Variants in CRYM observed in about 807,000 individuals in gnomAD.
CRYM encodes the protein crystallin mu.
In CRYM, 18 loss-of-function variants were observed where a neutral mutation model predicts 32.9. That is an observed-to-expected ratio of 0.55 (90% confidence interval 0.38 to 0.81). The LOEUF (loss-of-function observed/expected upper bound fraction) is 0.81. Among genes scored for constraint, CRYM ranks in the 30% least tolerant of loss-of-function variants. The pLI is 0.00. For missense variants in CRYM, 337 were observed against 393.5 expected (o/e 0.86, Z 1.21); for synonymous variants, 153 against 152.4 (o/e 1.00, Z -0.03).
intron 1 of CRYM, among the ~76,000 whole-genome samples, chr16:21,292,719 T>C (rs1567241271): frequency 6.7e-6 from 1 of 149,480 alleles, no homozygotes; most frequent in African/African-American, 2.5e-5. Context: ...AGTAGAGACA[T>C]AGATGACAGA....
In CRYM at chr16:21,277,224, G is replaced by A. The variant is rs548601974; in HGVS notation, c.324+207C>T. Among the ~76,000 whole-genome samples the A allele has an allele frequency of 6.6e-6, 1 of 152,190 alleles. No individual in the cohort carries two copies. Among genetic ancestry groups the A allele is most frequent in the East Asian group, 1.9e-4 (1 of 5,200 alleles). On this transcript the variant is annotated intron_variant, in intron 2 of 7. Transcript: ENST00000572914. The surrounding 1 kb of genome is among the most constrained non-coding windows in gnomAD (Gnocchi z 4.2). The stretch of plus-strand genomic sequence containing the variant: ...ACTGTCACATGCTTGAGGCAGCAGT[G>A]GGCGCTGGTGCCGTGTTATGCATCC...
chr16:21,279,758 T>A (rs2093394919), upstream of CRYM, among the ~76,000 whole-genome samples: 1 of 152,216 alleles, frequency 6.6e-6, no homozygotes, highest in Admixed American at 6.5e-5. Context: ...TAGGGCATTT[T>A]GTAGGAAATG....
chr16:21,284,387 A>G lies in CRYM; in HGVS notation c.-192-5427T>C, dbSNP rs116532843. 8.9e-3 allele frequency among the ~76,000 whole-genome samples: 1,351 copies of G among 152,216 alleles called. 26 individuals carry two copies. Among genetic ancestry groups the G allele is most frequent in the African/African-American group, 0.031 (1,287 of 41,518 alleles). The stretch of plus-strand genomic sequence containing the variant: ...AGTGCACAGTTCCCTGACTTTTAGT[A>G]TATTCACGATGTTGTGCGACCAACA... On this transcript the variant is annotated intron_variant, in intron 1 of 9. Transcript: ENST00000219599.
chr16:21,302,043 C>T (rs1295872400), intron 1 of CRYM, among the ~76,000 whole-genome samples: 1 of 152,242 alleles, frequency 6.6e-6, no homozygotes, highest in Non-Finnish European at 1.5e-5. Flanking sequence ...CATATAAATC[C>T]TCCAGAGACT....
chr16:21,263,063 A>G (rs1488476364), intron 5 of CRYM, among the ~76,000 whole-genome samples: 1 of 151,824 alleles, frequency 6.6e-6, no homozygotes, highest in African/African-American at 2.4e-5. Flanking sequence ...TTTTGGAGAG[A>G]GGGTCTCACT....
chr16:21,260,085 C>A (rs1446376505), intron 7 of CRYM, among the ~76,000 whole-genome samples: 6 of 152,178 alleles, frequency 3.9e-5, no homozygotes, highest in Admixed American at 6.5e-5. Flanking sequence ...ATTTACCAAC[C>A]TGCAAGGCAT....
chr16:21,287,208 TA>T (rs2093408916), intron 1 of CRYM, among the ~76,000 whole-genome samples: 1 of 152,174 alleles, frequency 6.6e-6, no homozygotes, highest in Non-Finnish European at 1.5e-5. Context: ...CACTGTAAAA[TA>T]ATAGTCATTC....
At chr16:21,262,504 T>C (rs892154312) in intron 5 of CRYM, among the ~76,000 whole-genome samples, 1 of 151,944 alleles carries the variant, frequency 6.6e-6, no homozygotes, top group African/African-American at 2.4e-5. Context: ...CTGTAGTCTT[T>C]GCTACTCTGG....
upstream of CRYM, chr16:21,278,347 G>A (rs769004013): frequency 1.9e-4 from 283 of 1,462,778 alleles, no homozygotes; most frequent in Non-Finnish European, 2.6e-4. Context: ...CTGTGGAGCC[G>A]CCTGCTGGTC....
intron 5 of CRYM, among the ~76,000 whole-genome samples, chr16:21,263,461 C>A (rs932442776): frequency 6.6e-6 from 1 of 152,026 alleles, no homozygotes; most frequent in Non-Finnish European, 1.5e-5. Flanking sequence ...GTGATCCTCC[C>A]GCCTCAGCCT....
At chr16:21,281,368 G>A (rs1183791721), upstream of CRYM, among the ~76,000 whole-genome samples, 1 of 151,656 alleles carries the variant, frequency 6.6e-6, no homozygotes, top group Non-Finnish European at 1.5e-5. Context: ...GGGATTACAG[G>A]TGCATGCCAC....
chr16:21,265,682 GTCA>G (rs1269956231), intron 5 of CRYM, among the ~76,000 whole-genome samples: 13 of 152,208 alleles, frequency 8.5e-5, no homozygotes, highest in Non-Finnish European at 2.9e-5. Flanking sequence ...GATTGAATGC[GTCA>G]TCATTTGACT....
intron 1 of CRYM, among the ~76,000 whole-genome samples, chr16:21,302,184 C>T (rs376956334): frequency 1.3e-5 from 2 of 152,226 alleles, no homozygotes; most frequent in African/African-American, 4.8e-5. Context: ...AGGCAAATGC[C>T]TTGTCCCTAG....
intron 1 of CRYM, among the ~76,000 whole-genome samples, chr16:21,285,910 C>A (rs981720836): frequency 1.3e-5 from 2 of 152,214 alleles, no homozygotes; most frequent in Non-Finnish European, 2.9e-5. Context: ...TAAAAATCAT[C>A]TTTGTCCTCT....
intron 3 of CRYM, among the ~76,000 whole-genome samples, chr16:21,270,538 C>T (rs1248234910): frequency 1.3e-5 from 2 of 152,168 alleles, no homozygotes; most frequent in Non-Finnish European, 2.9e-5. Flanking sequence ...TGCACCTCGG[C>T]CTCCCAAAGT....
intron 1 of CRYM, among the ~76,000 whole-genome samples, chr16:21,297,635 T>C (rs1960816007): frequency 6.6e-6 from 1 of 152,184 alleles, no homozygotes; most frequent in South Asian, 2.1e-4. Context: ...TGCATAAATG[T>C]TTCTGTATCA....
upstream of CRYM, among the ~76,000 whole-genome samples, chr16:21,283,186 C>T (rs1489274925): frequency 5.3e-5 from 8 of 152,126 alleles, 1 homozygote; most frequent in African/African-American, 1.9e-4. Context: ...CTGCCACTAC[C>T]ACAGTGAAGA....
At chr16:21,269,010 A>G (rs2093369445) in intron 4 of CRYM, among the ~76,000 whole-genome samples, 1 of 152,030 alleles carries the variant, frequency 6.6e-6, no homozygotes, top group Admixed American at 6.6e-5. Context: ...CAGGTGTGGT[A>G]GTGGGCGCCT....
intron 2 of CRYM, among the ~76,000 whole-genome samples, chr16:21,276,529 G>T (rs2093386924): frequency 6.6e-6 from 1 of 152,176 alleles, no homozygotes; most frequent in Admixed American, 6.5e-5. Context: ...TGATTCTTGA[G>T]TCTTTCACTA....
Sources: allele counts gnomAD v4.1 joint callset (sites outside exome capture counted in the v4.1 genomes callset), GRCh38; gene constraint gnomAD v4.1.1; non-coding constraint Gnocchi (gnomAD v3.1); transcripts MANE v1.5; gene names NCBI Gene and HGNC (gene_info 2026-07-23, HGNC 2026-07-21).